The following CSMD3 variants were observed in gnomAD, a reference collection of about 807,000 sequenced individuals.
CSMD3 encodes CUB and sushi domain-containing protein 3.
Under a neutral mutation model 435.2 loss-of-function variants are expected in CSMD3, and 177 were observed. That is an observed-to-expected ratio of 0.41 (90% CI 0.36 to 0.46). CSMD3 has a LOEUF of 0.46. Among genes scored for constraint, CSMD3 ranks in the 20% least tolerant of loss-of-function variants. CSMD3 has a pLI of 0.34. For synonymous variants in CSMD3, 1,656 were observed against 1,520.5 expected (o/e 1.09, Z -2.07); for missense variants, 4,265 against 4,504.6 (o/e 0.95, Z 1.52).
At chr8:112,532,838 C>G (rs1441602492) in intron 27 of CSMD3, among the ~76,000 whole-genome samples, 2 of 151,982 alleles carry the variant, frequency 1.3e-5, no homozygotes, top group African/African-American at 4.8e-5. Context: ...ACACTTGTGT[C>G]TTTAGTCTGA....
At chr8:113,413,337 A>T in intron 1 of CSMD3, among the ~76,000 whole-genome samples, 1 of 152,142 alleles carries the variant, frequency 6.6e-6, no homozygotes, top group Non-Finnish European at 1.5e-5. Context: ...CTATACAAAT[A>T]ACTTGAGAAA....
At chr8:112,830,471 A>G (rs141776251) in intron 11 of CSMD3, among the ~76,000 whole-genome samples, 1,708 of 152,280 alleles carry the variant, frequency 0.011, 30 homozygotes, top group African/African-American at 0.038. Context: ...CCTATGCAAA[A>G]ATTCAAATTT....
At chr8:113,370,689 C>A (rs1250863762) in intron 1 of CSMD3, among the ~76,000 whole-genome samples, 1 of 151,868 alleles carries the variant, frequency 6.6e-6, no homozygotes, top group Non-Finnish European at 1.5e-5. Flanking sequence ...GTTTACTATT[C>A]ATTTCTCAGT....
intron 17 of CSMD3, among the ~76,000 whole-genome samples, chr8:112,658,264 C>G (rs2075302108): frequency 6.6e-6 from 1 of 152,096 alleles, no homozygotes; most frequent in Non-Finnish European, 1.5e-5. Context: ...ACTTGCCAGT[C>G]TTTTGCAGTA....
chr8:112,513,532 G>C (rs1315044219), intron 28 of CSMD3, among the ~76,000 whole-genome samples: 1 of 152,072 alleles, frequency 6.6e-6, no homozygotes, highest in East Asian at 1.9e-4. Flanking sequence ...AAAGATCACT[G>C]ATCACAGATC....
intron 22 of CSMD3, among the ~76,000 whole-genome samples, chr8:112,620,078 GT>G (rs1471642411): frequency 2.0e-5 from 3 of 152,010 alleles, no homozygotes; most frequent in South Asian, 2.1e-4. Context: ...AATGTTCAAT[GT>G]TACAACAAGA....
chr8:113,357,923 C>A (rs1300770262), intron 1 of CSMD3, among the ~76,000 whole-genome samples: 4 of 152,166 alleles, frequency 2.6e-5, no homozygotes, highest in Admixed American at 2.6e-4. Context: ...CCTGCACAGC[C>A]TGCGGAACTG....
chr8:113,355,862 T>A (rs2094223187), intron 1 of CSMD3, among the ~76,000 whole-genome samples: 1 of 147,830 alleles, frequency 6.8e-6, no homozygotes, highest in African/African-American at 2.5e-5. Flanking sequence ...TTTGTGAAGA[T>A]CATCTTACAC....
At chr8:113,143,249 CA>C (rs1332001713) in intron 4 of CSMD3, among the ~76,000 whole-genome samples, 2 of 151,092 alleles carry the variant, frequency 1.3e-5, no homozygotes, top group African/African-American at 4.8e-5. Flanking sequence ...TTGGGAAAAG[CA>C]AATTAAAACC....
chr8:113,271,915 T>C (rs1326727342), intron 3 of CSMD3, among the ~76,000 whole-genome samples: 1 of 152,154 alleles, frequency 6.6e-6, no homozygotes, highest in African/African-American at 2.4e-5. Flanking sequence ...GCAACCTGCC[T>C]CTTTCATCAG....
intron 11 of CSMD3, among the ~76,000 whole-genome samples, chr8:112,841,337 T>C (rs1411179972): frequency 1.3e-5 from 2 of 151,758 alleles, no homozygotes; most frequent in Non-Finnish European, 2.9e-5. Context: ...AAATCCTTTA[T>C]GAGGACTACT....
intron 5 of CSMD3, among the ~76,000 whole-genome samples, chr8:113,069,025 A>C (rs1472517922): frequency 1.8e-5 from 2 of 112,260 alleles, no homozygotes; most frequent in African/African-American, 4.1e-5. Context: ...CCAAGGTTTC[A>C]AGTGAACAAA....
At chr8:112,598,716 A>G (rs1031729502) in intron 22 of CSMD3, among the ~76,000 whole-genome samples, 4 of 150,652 alleles carry the variant, frequency 2.7e-5, no homozygotes, top group African/African-American at 7.3e-5. Flanking sequence ...ATAATGCCGC[A>G]TATCTACAAC....
chr8:113,408,947 G>A (rs2094545374), intron 1 of CSMD3, among the ~76,000 whole-genome samples: 2 of 151,930 alleles, frequency 1.3e-5, no homozygotes, highest in Admixed American at 1.3e-4. Context: ...TATAGGCCGG[G>A]CTTGATGGCT....
chr8:113,079,208 T>G (rs2089460807), intron 5 of CSMD3, among the ~76,000 whole-genome samples: 1 of 152,156 alleles, frequency 6.6e-6, no homozygotes, highest in Non-Finnish European at 1.5e-5. Flanking sequence ...ATAATCAATT[T>G]GGGATTTCTC....
intron 32 of CSMD3, among the ~76,000 whole-genome samples, chr8:112,430,706 A>C (rs1813571970): frequency 6.6e-6 from 1 of 152,192 alleles, no homozygotes; most frequent in African/African-American, 2.4e-5. Flanking sequence ...AGCATTAGTA[A>C]GTTTCAGAAT....
chr8:112,536,715 C>T (rs1192247484), intron 27 of CSMD3, among the ~76,000 whole-genome samples: 2 of 148,962 alleles, frequency 1.3e-5, no homozygotes, highest in Non-Finnish European at 3.0e-5. Context: ...AAGACACACG[C>T]ATGCGTATGT....
intron 3 of CSMD3, among the ~76,000 whole-genome samples, chr8:113,234,177 C>T (rs1267569425): frequency 1.3e-5 from 2 of 152,076 alleles, no homozygotes; most frequent in Non-Finnish European, 2.9e-5. Flanking sequence ...GAATCTTCTT[C>T]CAATATTATC....
chr8:112,428,032 A>C (rs898629086), intron 32 of CSMD3, among the ~76,000 whole-genome samples: 1 of 152,126 alleles, frequency 6.6e-6, no homozygotes, highest in African/African-American at 2.4e-5. Context: ...ATAGTTTGAT[A>C]TTTTCACATT....
Sources: gnomAD v4.1 joint callset for allele counts (sites outside exome capture counted in the v4.1 genomes callset) on GRCh38, gnomAD v4.1.1 for gene constraint, MANE v1.5 for transcripts, NCBI Gene and HGNC (gene_info 2026-07-23, HGNC 2026-07-21) for gene names.